The following BBX variants were observed in gnomAD, a reference collection of about 807,000 sequenced individuals.
The protein encoded by BBX is BBX high mobility group box domain containing.
A neutral mutation model predicts 100.2 loss-of-function variants in BBX; 30 were observed. That is an observed-to-expected ratio of 0.30 (90% CI 0.22 to 0.41). BBX has a LOEUF of 0.41. Ranked by LOEUF, BBX falls within the 10% of genes least tolerant of loss-of-function variation. The pLI, the probability that BBX is intolerant of heterozygous loss-of-function variation, is 1.00. For missense variants in BBX, 1,023 were observed against 1,129.8 expected, an observed-to-expected ratio of 0.91 and a Z score of 1.35; for synonymous variants, 376 against 388.1, an observed-to-expected ratio of 0.97 and a Z score of 0.37.
chr3:107,637,007 T>A (rs1288730412), intron 2 of BBX, among the ~76,000 whole-genome samples: 1 of 152,212 alleles, frequency 6.6e-6, no homozygotes, highest in African/African-American at 2.4e-5. Flanking sequence ...TGCTATTTAT[T>A]CTTCAGTCAA....
At chr3:107,715,941 G>A (rs56292627) in intron 4 of BBX, among the ~76,000 whole-genome samples, 2,658 of 152,300 alleles carry the variant, frequency 0.017, 74 homozygotes, top group African/African-American at 0.061. Context: ...GAAAGCTTGA[G>A]ATTTACAAGT....
chr3:107,735,633 A>T (rs934417723), intron 7 of BBX, among the ~76,000 whole-genome samples: 6 of 152,058 alleles, frequency 3.9e-5, no homozygotes, highest in Non-Finnish European at 7.4e-5. Flanking sequence ...TCTTTTAAAA[A>T]AGCATCTCTA....
intron 5 of BBX, among the ~76,000 whole-genome samples, chr3:107,724,561 A>G (rs1321841718): frequency 6.6e-6 from 1 of 152,182 alleles, no homozygotes; most frequent in Non-Finnish European, 1.5e-5. Flanking sequence ...TAAGTCTTTA[A>G]TCCATCTTGA....
At chr3:107,598,716 C>T (rs1259670802) in intron 2 of BBX, among the ~76,000 whole-genome samples, 3 of 152,190 alleles carry the variant, frequency 2.0e-5, no homozygotes, top group African/African-American at 7.2e-5. Context: ...TCCCTTAACT[C>T]CCAGTATTAT....
At chr3:107,680,484 A>G (rs2059515224) in intron 3 of BBX, among the ~76,000 whole-genome samples, 1 of 152,142 alleles carries the variant, frequency 6.6e-6, no homozygotes, top group Non-Finnish European at 1.5e-5. Flanking sequence ...TGAAGAGGTG[A>G]CAGAGCCAAA....
intron 2 of BBX, among the ~76,000 whole-genome samples, chr3:107,566,010 C>T (rs1015569375): frequency 6.6e-6 from 1 of 151,128 alleles, no homozygotes; most frequent in Non-Finnish European, 1.5e-5. Context: ...CCCATCTCTA[C>T]TAAAAATACA....
At chr3:107,805,108 T>C (rs1576905950) in intron 17 of BBX, among the ~76,000 whole-genome samples, 1 of 152,046 alleles carries the variant, frequency 6.6e-6, no homozygotes. Context: ...GGCCAGAGGG[T>C]ATGCTGTTGA....
chr3:107,606,267 G>A (rs1256633118), intron 2 of BBX, among the ~76,000 whole-genome samples: 1 of 152,204 alleles, frequency 6.6e-6, no homozygotes, highest in Non-Finnish European at 1.5e-5. Flanking sequence ...AGCAGTGGGA[G>A]ATTTAATTAT....
intron 10 of BBX, among the ~76,000 whole-genome samples, chr3:107,767,200 A>G (rs745943271): frequency 1.1e-4 from 17 of 152,172 alleles, no homozygotes; most frequent in Non-Finnish European, 2.4e-4. Context: ...TAAAGTATAA[A>G]ATACATATGT....
At chr3:107,602,489 G>A (rs923431093) in intron 2 of BBX, among the ~76,000 whole-genome samples, 2 of 152,160 alleles carry the variant, frequency 1.3e-5, no homozygotes, top group Admixed American at 1.3e-4. Context: ...CAAGGCAGGA[G>A]GATCACTTGA....
intron 15 of BBX, among the ~76,000 whole-genome samples, chr3:107,794,825 G>A (rs559036153): frequency 1.3e-3 from 197 of 152,290 alleles, no homozygotes; most frequent in African/African-American, 4.5e-3. Context: ...GCCTCATGGG[G>A]TACAATACAA....
In BBX at chr3:107,732,945, G is replaced by T; in HGVS notation, c.602-11G>T. The T allele has an allele frequency of 6.2e-7, 1 of 1,610,898 alleles. No homozygotes were observed. Among genetic ancestry groups the T allele is most frequent in the South Asian group, 1.1e-5 (1 of 90,570 alleles). On this transcript the variant is annotated splice_polypyrimidine_tract_variant and intron_variant, in intron 6 of 17. Coordinates refer to ENST00000325805, the MANE Select transcript of BBX (RefSeq NM_001142568.3). ...GCTTATAAGTTGGTGATTTGTTTTT[G>T]ACTTATTTAGATCCTACTCAAATGG...
chr3:107,686,424 G>GTTTTTTTTTT, intron 3 of BBX, among the ~76,000 whole-genome samples: 2 of 149,368 alleles, frequency 1.3e-5, no homozygotes, highest in African/African-American at 4.9e-5. Context: ...TGTTGTTCTT[G>GTTTTTTTTTT]TTTTTTGTTT....
intron 2 of BBX, among the ~76,000 whole-genome samples, chr3:107,631,664 G>A (rs2056555676): frequency 6.6e-6 from 1 of 151,984 alleles, no homozygotes; most frequent in African/African-American, 2.4e-5. Flanking sequence ...TATTACCAGT[G>A]CATGCATTCT....
chr3:107,783,564 T>G (rs910795220), intron 13 of BBX, among the ~76,000 whole-genome samples: 5 of 152,092 alleles, frequency 3.3e-5, no homozygotes, highest in African/African-American at 1.2e-4. Flanking sequence ...TATGAGCCAA[T>G]ACCCTATTAT....
chr3:107,558,023 G>GA (rs2050205655), intron 2 of BBX, among the ~76,000 whole-genome samples: 1 of 152,230 alleles, frequency 6.6e-6, no homozygotes, highest in African/African-American at 2.4e-5. Context: ...CTTGGCAGCA[G>GA]TCTGTGGTTT....
intron 2 of BBX, among the ~76,000 whole-genome samples, chr3:107,534,545 C>G (rs574450138): frequency 4.0e-4 from 61 of 152,010 alleles, no homozygotes; most frequent in South Asian, 3.3e-3. Flanking sequence ...TAATGTGCAT[C>G]TGTGATACTG....
intron 3 of BBX, among the ~76,000 whole-genome samples, chr3:107,671,369 G>A (rs1463532076): frequency 1.3e-5 from 2 of 151,874 alleles, no homozygotes; most frequent in Non-Finnish European, 2.9e-5. Context: ...AGAGATTTGA[G>A]CCTAAACACC....
At chr3:107,598,865 TC>T (rs1361378536) in intron 2 of BBX, among the ~76,000 whole-genome samples, 1 of 152,148 alleles carries the variant, frequency 6.6e-6, no homozygotes, top group African/African-American at 2.4e-5. Flanking sequence ...AGGCATTTAC[TC>T]TCTCATTGAA....
Sources: gnomAD v4.1 joint callset for allele counts (sites outside exome capture counted in the v4.1 genomes callset) on GRCh38, gnomAD v4.1.1 for gene constraint, MANE v1.5 for transcripts, NCBI Gene and HGNC (gene_info 2026-07-23, HGNC 2026-07-21) for gene names.